SGCZ: variants seen among roughly 807,000 people sequenced by gnomAD.
SGCZ encodes the protein sarcoglycan zeta, also known as zeta-sarcoglycan.
A neutral mutation model predicts 41.3 loss-of-function variants in SGCZ; 40 were observed. That is an observed-to-expected ratio of 0.97 (90% CI 0.75 to 1.26). The LOEUF (loss-of-function observed/expected upper bound fraction) is 1.26, where lower values mean the gene tolerates loss of function less well. Ranked by LOEUF, SGCZ falls within the 50% of genes most tolerant of loss-of-function variation. The pLI is 0.00. For synonymous variants in SGCZ, 206 were observed against 137.5 expected, an observed-to-expected ratio of 1.50 and a Z score of -3.49; for missense variants, 552 against 369.8, an observed-to-expected ratio of 1.49 and a Z score of -4.04.
intron 2 of SGCZ, among the ~76,000 whole-genome samples, chr8:14,432,185 T>A (rs1423678571): frequency 6.6e-6 from 1 of 152,208 alleles, no homozygotes; most frequent in African/African-American, 2.4e-5. Context: ...ACTGGGTATC[T>A]ACCCAGAGGA....
At chr8:14,527,937 A>T (rs555628259) in intron 2 of SGCZ, among the ~76,000 whole-genome samples, 3 of 152,180 alleles carry the variant, frequency 2.0e-5, no homozygotes, top group Admixed American at 2.0e-4. Flanking sequence ...CCATGCAAAA[A>T]CATACTGTGA....
intron 1 of SGCZ, among the ~76,000 whole-genome samples, chr8:15,098,915 G>A (rs975226806): frequency 3.9e-5 from 6 of 152,180 alleles, no homozygotes; most frequent in Middle Eastern, 3.4e-3. Flanking sequence ...AAAATTAGCC[G>A]GGGGTGGTGG....
chr8:14,204,227 TG>T lies in SGCZ; in HGVS notation c.424+33364del, dbSNP rs747666770. Among the ~76,000 whole-genome samples, 109 of 151,874 alleles carry T rather than the reference TG, an allele frequency of 7.2e-4. 1 individual carries two copies. Among genetic ancestry groups the T allele is most frequent in the Non-Finnish European group, 1.4e-3 (92 of 67,986 alleles). On this transcript the variant is annotated intron_variant, in intron 4 of 7. Transcript: ENST00000382080. ...GGGGGTAATTTGTTTGTGTCATATC[TG>T]TTGCTTAGAGATGGATCTTGCTATT...
chr8:14,692,480 A>G (rs1481913261), intron 1 of SGCZ, among the ~76,000 whole-genome samples: 2 of 152,180 alleles, frequency 1.3e-5, no homozygotes, highest in African/African-American at 2.4e-5. Context: ...CAGTAATACC[A>G]TATAGGAAAG....
intron 1 of SGCZ, among the ~76,000 whole-genome samples, chr8:15,080,359 C>T (rs544095369): frequency 3.9e-5 from 6 of 152,148 alleles, no homozygotes; most frequent in African/African-American, 7.2e-5. Context: ...ATGCACTCAG[C>T]GTCAAAGGAA....
At chr8:14,682,931 G>A (rs1470648208) in intron 1 of SGCZ, among the ~76,000 whole-genome samples, 1 of 152,160 alleles carries the variant, frequency 6.6e-6, no homozygotes, top group African/African-American at 2.4e-5. Context: ...GGCAGATGGT[G>A]AAAGTCAACA....
At chr8:14,527,535 T>C (rs1395203783) in intron 2 of SGCZ, among the ~76,000 whole-genome samples, 1 of 149,642 alleles carries the variant, frequency 6.7e-6, no homozygotes, top group Non-Finnish European at 1.5e-5. Flanking sequence ...GCATTTAAAA[T>C]ATTCACCTTT....
At position 14,433,891 on chromosome 8, in the gene SGCZ, A is replaced by G. The variant is rs368198755; in HGVS notation, c.235-109687T>C. 9.8e-5 allele frequency among the ~76,000 whole-genome samples: 15 copies of G among 152,310 alleles called. No individual in the cohort carries two copies. In the East Asian group the frequency reaches 1.5e-3, roughly 16 times the overall value. On this transcript the variant is annotated intron_variant, in intron 2 of 7. Transcript: ENST00000382080. ...TTTGAGAATGATGTTAATGTCACCC[A>G]TAGGAATGCTACATTTTCTAAGAGT... is the stretch of plus-strand genomic sequence containing the variant.
rs565835939 is a variant in SGCZ at position 14,337,471 on chromosome 8, G to T, written c.235-13267C>A. On this transcript the variant is annotated intron_variant, in intron 2 of 7. Coordinates refer to ENST00000382080, the MANE Select transcript of SGCZ (RefSeq NM_139167.4). ...ATTTTGAGTACTCTCCTGGGATAAA[G>T]AATTTTACTATTGGAAAGGACTACA... Among the ~76,000 whole-genome samples the T allele has an allele frequency of 2.0e-4, 30 of 152,190 alleles. No homozygotes were observed. The South Asian group carries it at 4.2e-3, about 21-fold the overall frequency.
chr8:15,078,025 G>A (rs1469404068), intron 1 of SGCZ, among the ~76,000 whole-genome samples: 1 of 151,994 alleles, frequency 6.6e-6, no homozygotes, highest in African/African-American at 2.4e-5. Context: ...CATGCACTGG[G>A]GGACTGGGAT....
At chr8:15,162,026 G>T (rs751430064) in intron 1 of SGCZ, among the ~76,000 whole-genome samples, 5 of 152,122 alleles carry the variant, frequency 3.3e-5, no homozygotes, top group African/African-American at 9.7e-5. Context: ...GTGAAAAGAG[G>T]CAAACTGCCT....
At chr8:14,623,895 C>A (rs2117377360) in intron 1 of SGCZ, among the ~76,000 whole-genome samples, 1 of 152,260 alleles carries the variant, frequency 6.6e-6, no homozygotes, top group Middle Eastern at 3.4e-3. Context: ...ACTCAATACC[C>A]ACTTCTGGAC....
At chr8:14,271,375 A>G (rs991728454) in intron 3 of SGCZ, among the ~76,000 whole-genome samples, 1 of 152,226 alleles carries the variant, frequency 6.6e-6, no homozygotes, top group East Asian at 1.9e-4. Flanking sequence ...GAATTGTTAA[A>G]TGTGAGCTTT....
chr8:14,925,456 G>C (rs1427319933), intron 1 of SGCZ, among the ~76,000 whole-genome samples: 1 of 152,144 alleles, frequency 6.6e-6, no homozygotes, highest in Non-Finnish European at 1.5e-5. Context: ...AAAATGTCCA[G>C]GACTTGACCT....
chr8:14,737,103 C>T (rs1033248881), intron 1 of SGCZ, among the ~76,000 whole-genome samples: 1 of 137,780 alleles, frequency 7.3e-6, no homozygotes, highest in Non-Finnish European at 1.5e-5. Context: ...ATCTATATAC[C>T]AGATACATAA....
chr8:14,135,910 G>C (rs1302612466), intron 5 of SGCZ, among the ~76,000 whole-genome samples: 3 of 151,886 alleles, frequency 2.0e-5, no homozygotes, highest in African/African-American at 7.3e-5. Flanking sequence ...TTTATAAAAG[G>C]AGTTAGCACC....
intron 3 of SGCZ, among the ~76,000 whole-genome samples, chr8:14,310,922 T>C (rs917689141): frequency 2.0e-5 from 3 of 152,082 alleles, no homozygotes; most frequent in Non-Finnish European, 2.9e-5. Context: ...GAATTTCAGA[T>C]AAAATATCCA....
At chr8:14,336,590 C>T (rs889202580) in intron 2 of SGCZ, among the ~76,000 whole-genome samples, 49 of 152,090 alleles carry the variant, frequency 3.2e-4, no homozygotes, top group African/African-American at 1.0e-3. Flanking sequence ...TTTGCAACTT[C>T]GCCAGTATCT....
intron 1 of SGCZ, among the ~76,000 whole-genome samples, chr8:14,842,235 T>G (rs1802946225): frequency 6.6e-6 from 1 of 152,108 alleles, no homozygotes; most frequent in African/African-American, 2.4e-5. Context: ...TTTTCCTGCC[T>G]TTCTGATATC....
Sources: gnomAD v4.1 joint callset for allele counts (sites outside exome capture counted in the v4.1 genomes callset) on GRCh38, gnomAD v4.1.1 for gene constraint, MANE v1.5 for transcripts, NCBI Gene and HGNC (gene_info 2026-07-23, HGNC 2026-07-21) for gene names.